Variants in PSMB5 observed in about 807,000 individuals in gnomAD.
PSMB5 encodes the protein proteasome 20S subunit beta 5, also known as proteasome subunit beta type-5.
PSMB5 carries 2 observed loss-of-function variants against 22.8 expected under a neutral mutation model. The ratio of observed to expected loss-of-function variants is 0.09; its 90% confidence interval spans 0.04 to 0.28. PSMB5 has a LOEUF of 0.28. Among genes scored for constraint, PSMB5 ranks in the 10% least tolerant of loss-of-function variants. The pLI is 1.00. For synonymous variants in PSMB5, 133 were observed against 135.3 expected, an observed-to-expected ratio of 0.98 and a Z score of 0.12; for missense variants, 269 against 343.8, an observed-to-expected ratio of 0.78 and a Z score of 1.72.
chr14:23,033,218 A>C, intron 2 of PSMB5, 150 bp downstream of exon 2: 1 of 864,358 alleles, frequency 1.2e-6, no homozygotes, highest in Middle Eastern at 3.6e-4. Context: ...CAGTCTAAAA[A>C]AACAGGAAAA....
rs2046975714 is a variant in PSMB5 at position 23,034,349 on chromosome 14, A to G, written c.198+335T>C. The G allele has an allele frequency of 2.2e-5, 6 of 278,914 alleles. No individual in the cohort carries two copies. In the South Asian group the frequency reaches 2.6e-4, roughly 12 times the overall value. 17.3% of individuals were successfully genotyped at this position (278,914 alleles called of 1,614,324 possible). A position where few individuals can be genotyped will look rare whatever the true frequency, so the allele number is the denominator to read the frequency against. On this transcript the variant is annotated intron_variant, in intron 1 of 2. Transcript: ENST00000361611. ...TTCCAAAACTTTGGTAAACGTTTAC[A>G]ATAGCCTTCCCTCGGCCAAGATTCA...
At chr14:23,032,038 G>A (rs2046956071) in intron 2 of PSMB5, among the ~76,000 whole-genome samples, 1 of 152,190 alleles carries the variant, frequency 6.6e-6, no homozygotes, top group Non-Finnish European at 1.5e-5. Context: ...GCAGTGAGCT[G>A]AGATCCCGCC....
chr14:23,029,164 C>T (rs2046936005), intron 2 of PSMB5, among the ~76,000 whole-genome samples: 1 of 152,058 alleles, frequency 6.6e-6, no homozygotes, highest in South Asian at 2.1e-4. Context: ...TAATGCAAGC[C>T]AGCTTGAGCA....
upstream of PSMB5, chr14:23,035,132 A>G: frequency 1.7e-6 from 1 of 604,886 alleles, no homozygotes; most frequent in Non-Finnish European, 2.7e-6. Context: ...GGCTTTGGTC[A>G]TGCAAGTAGT....
intron 2 of PSMB5, among the ~76,000 whole-genome samples, chr14:23,030,116 G>A (rs1426447824): frequency 1.3e-5 from 2 of 152,030 alleles, no homozygotes; most frequent in Non-Finnish European, 2.9e-5. Context: ...GATCTCCGGT[G>A]ATCCACCCAT....
chr14:23,033,782 CT>C, intron 1 of PSMB5, 108 bp from the exon 2 acceptor site: 1 of 977,026 alleles, frequency 1.0e-6, no homozygotes, highest in Non-Finnish European at 1.5e-6. Flanking sequence ...TTTCTCCGTC[CT>C]TTTATACTTC....
chr14:23,031,289 C>G (rs142753396), intron 2 of PSMB5, among the ~76,000 whole-genome samples: 7 of 152,312 alleles, frequency 4.6e-5, no homozygotes, highest in Non-Finnish European at 1.0e-4. Flanking sequence ...CCCTGGATCA[C>G]GTAAAATGTA....
chr14:23,031,814 C>G (rs754071175), intron 2 of PSMB5, among the ~76,000 whole-genome samples: 1 of 152,184 alleles, frequency 6.6e-6, no homozygotes, highest in Non-Finnish European at 1.5e-5. Context: ...CAGGACTAGG[C>G]GCAATGGCTC....
Position 23,025,986 on chromosome 14 carries a change from T to C in PSMB5, c.*103A>G, listed in dbSNP as rs1023132814. On this transcript the variant is annotated 3_prime_UTR_variant, in exon 3 of 3. Coordinates refer to ENST00000361611, the MANE Select transcript of PSMB5 (RefSeq NM_002797.5). ...AGCTTAAAAAAAAGTACTGATACAA[T>C]TGAAGGCCCTTCCACTATAAATAGG... The C allele has an allele frequency of 3.6e-5, 55 of 1,539,404 alleles. No individual in the cohort carries two copies. The highest frequency in any genetic ancestry group is 1.5e-4 in the African/African-American group (11 of 72,722).
At chr14:23,026,572 C>T (rs2046915378) in intron 2 of PSMB5, among the ~76,000 whole-genome samples, 197 bp from the exon 3 acceptor site, 1 of 151,686 alleles carries the variant, frequency 6.6e-6, no homozygotes, top group Admixed American at 6.6e-5. Flanking sequence ...GCCTCAGTTT[C>T]CCAGGTAGCT....
At chr14:23,027,923 C>G (rs2046927805) in intron 2 of PSMB5, 1 of 790,010 alleles carries the variant, frequency 1.3e-6, no homozygotes, top group Non-Finnish European at 2.0e-6. Context: ...GCAGGTGGGT[C>G]ACCTGAGGTC....
intron 2 of PSMB5, chr14:23,027,820 A>C (rs1318022148): frequency 6.5e-7 from 1 of 1,545,574 alleles, no homozygotes; most frequent in Non-Finnish European, 8.7e-7. Context: ...CAAGCACAGA[A>C]CTTCAGACAC....
chr14:23,034,508 G>A (rs1334581974), intron 1 of PSMB5, 176 bp downstream of exon 1: 2 of 730,188 alleles, frequency 2.7e-6, no homozygotes, highest in Non-Finnish European at 4.4e-6. Flanking sequence ...TCCAACCAGA[G>A]CAAAGACAGG....
Position 23,034,708 on chromosome 14 carries a change from A to G in PSMB5, c.174T>C (p.His58=). The change falls in exon 1 of 3, where the codon CAT becomes CAC. Residue 58 remains histidine, a synonymous_variant. Transcript: ENST00000361611. ...CCTTGAAGGCCAGGGTGGTTGTTCC[A>G]TGAAGCATTTCGATTCCTGGCTCTT... ...VPEEPGIEML[H]GTTTLAFKFR... The G allele has an allele frequency of 1.2e-6, 2 of 1,614,176 alleles. No homozygotes were observed. Among genetic ancestry groups the G allele is most frequent in the Non-Finnish European group, 8.5e-7 (1 of 1,180,022 alleles).
chr14:23,029,262 C>T (rs940835991), intron 2 of PSMB5, among the ~76,000 whole-genome samples: 1 of 152,048 alleles, frequency 6.6e-6, no homozygotes, highest in Non-Finnish European at 1.5e-5. Flanking sequence ...CAGTGCCATG[C>T]TCTCTTGCCT....
chr14:23,035,089 C>A (rs900470602), upstream of PSMB5: 21 of 986,620 alleles, frequency 2.1e-5, no homozygotes, highest in African/African-American at 3.4e-4. Flanking sequence ...GCTTCACTAA[C>A]CTTAAATTCT....
At chr14:23,028,332 C>T (rs1165329825) in intron 2 of PSMB5, among the ~76,000 whole-genome samples, 2 of 152,140 alleles carry the variant, frequency 1.3e-5, no homozygotes, top group African/African-American at 4.8e-5. Flanking sequence ...GAGAACAAGA[C>T]ATACTTTACA....
chr14:23,034,617 C>A, intron 1 of PSMB5, 67 bp downstream of exon 1: 1 of 1,562,496 alleles, frequency 6.4e-7, no homozygotes, highest in Middle Eastern at 2.1e-4. Flanking sequence ...AAACTCCGGT[C>A]AGGCTGGGAG....
intron 2 of PSMB5, among the ~76,000 whole-genome samples, chr14:23,031,789 TAAAAG>T (rs1245030317): frequency 4.6e-5 from 7 of 152,008 alleles, no homozygotes; most frequent in Non-Finnish European, 1.0e-4. Flanking sequence ...AGCAAAGAAA[TAAAAG>T]AAATGAGCCC....
Sources: allele counts gnomAD v4.1 joint callset (sites outside exome capture counted in the v4.1 genomes callset), GRCh38; gene constraint gnomAD v4.1.1; transcripts MANE v1.5; gene names NCBI Gene and HGNC (gene_info 2026-07-23, HGNC 2026-07-21).